TRAF5: variants seen among roughly 807,000 people sequenced by gnomAD.
TRAF5 encodes TNF receptor associated factor 5, also known as TNF receptor-associated factor 5.
In TRAF5, 48 loss-of-function variants were observed where a neutral mutation model predicts 64.5. The observed-to-expected ratio is 0.74, with a 90% CI of 0.59 to 0.95. The LOEUF (loss-of-function observed/expected upper bound fraction) is 0.95, where lower values mean the gene tolerates loss of function less well. Ranked by LOEUF, TRAF5 falls within the 40% of genes least tolerant of loss-of-function variation. The pLI, the probability that TRAF5 is intolerant of heterozygous loss-of-function variation, is 0.00. For synonymous variants in TRAF5, 206 were observed against 240.5 expected, an observed-to-expected ratio of 0.86 and a Z score of 1.33; for missense variants, 545 against 662.8, an observed-to-expected ratio of 0.82 and a Z score of 1.95.
At chr1:211,348,017 G>A (rs1702665500) in intron 1 of TRAF5, among the ~76,000 whole-genome samples, 1 of 152,144 alleles carries the variant, frequency 6.6e-6, no homozygotes, top group South Asian at 2.1e-4. Context: ...ACTGCTTGGG[G>A]CTCCCTGACA....
At chr1:211,337,350 C>T (rs1702329691) in intron 1 of TRAF5, among the ~76,000 whole-genome samples, 1 of 152,122 alleles carries the variant, frequency 6.6e-6, no homozygotes, top group African/African-American at 2.4e-5. Context: ...GCAGAAGCCT[C>T]TTCTGCTGTT....
chr1:211,368,802 GTTAC>G (rs1703434575), intron 8 of TRAF5: 1 of 152,142 alleles, frequency 6.6e-6, no homozygotes, highest in Admixed American at 6.5e-5. Flanking sequence ...TGCTGGATGG[GTTAC>G]TTAAACTCTC....
intron 7 of TRAF5, 110 bp downstream of exon 7, chr1:211,361,272 G>A (rs1049765345): frequency 2.2e-6 from 2 of 927,494 alleles, no homozygotes; most frequent in Non-Finnish European, 3.3e-6. Context: ...ACAGTTCTGA[G>A]AAATTTAAGG....
chr1:211,362,492 C>T (rs1572086762), intron 7 of TRAF5, among the ~76,000 whole-genome samples: 2 of 151,962 alleles, frequency 1.3e-5, no homozygotes, highest in Non-Finnish European at 2.9e-5. Context: ...GCAGCCTGGC[C>T]AACATGGTGA....
At chr1:211,353,148 A>G (rs1702847101) in intron 1 of TRAF5, 91 bp from the exon 2 acceptor site, 1 of 1,247,044 alleles carries the variant, frequency 8.0e-7, no homozygotes. Flanking sequence ...ATGTACACTA[A>G]TTATGAGACA....
chr1:211,360,136 C>G (rs1703128475), intron 5 of TRAF5, 60 bp downstream of exon 5: 1 of 1,501,122 alleles, frequency 6.7e-7, no homozygotes, highest in East Asian at 2.3e-5. Flanking sequence ...TGAGTGGTCA[C>G]AGTGAATCAG....
chr1:211,361,377 G>C (rs999111517), intron 7 of TRAF5, among the ~76,000 whole-genome samples: 1 of 152,146 alleles, frequency 6.6e-6, no homozygotes, highest in Non-Finnish European at 1.5e-5. Flanking sequence ...TGCAGTTGTG[G>C]GGGCTAGCAA....
chr1:211,346,581 A>T (rs1248145804), intron 1 of TRAF5, among the ~76,000 whole-genome samples: 1 of 152,208 alleles, frequency 6.6e-6, no homozygotes, highest in African/African-American at 2.4e-5. Context: ...TAATATATTT[A>T]AAAATTCCCC....
At chr1:211,371,822 A>T (rs1220686839) in intron 10 of TRAF5, among the ~76,000 whole-genome samples, 1 of 152,254 alleles carries the variant, frequency 6.6e-6, no homozygotes, top group African/African-American at 2.4e-5. Flanking sequence ...GGGTTTGGCC[A>T]TTTAAAAGCA....
At chr1:211,354,122 G>A (rs189703305) in intron 2 of TRAF5, among the ~76,000 whole-genome samples, 4 of 152,348 alleles carry the variant, frequency 2.6e-5, no homozygotes, top group East Asian at 3.9e-4. Flanking sequence ...GTCTAGAGGA[G>A]ACAAATGTGG....
chr1:211,359,827 T>G, intron 4 of TRAF5, 85 bp from the exon 5 acceptor site: 2 of 1,550,452 alleles, frequency 1.3e-6, no homozygotes, highest in South Asian at 2.3e-5. Context: ...CACCCTGTTC[T>G]CTCTCCCTCC....
intron 1 of TRAF5, among the ~76,000 whole-genome samples, chr1:211,345,068 G>A (rs145682451): frequency 0.011 from 1,602 of 152,164 alleles, 26 homozygotes; most frequent in African/African-American, 0.036. Flanking sequence ...ACAGGCATGC[G>A]CCACCATGCC....
rs142972291 is a variant in TRAF5, at chr1:211,347,979, C to A, written c.-1-5260C>A. Among the ~76,000 whole-genome samples the A allele has an allele frequency of 2.5e-4, 38 of 152,312 alleles. 1 individual carries two copies. The highest frequency in any genetic ancestry group is 8.9e-4 in the African/African-American group (37 of 41,558). Reference sequence around the variant, plus strand: ...AAGCTGGAGCTTTCCCCCAGTTGAGCAGATTATTAAATGTTTACTAGCACA... The same window carrying A: ...AAGCTGGAGCTTTCCCCCAGTTGAGAAGATTATTAAATGTTTACTAGCACA... On this transcript the variant is annotated intron_variant, in intron 1 of 10. Coordinates refer to ENST00000261464, the MANE Select transcript of TRAF5 (RefSeq NM_001033910.3).
chr1:211,350,183 T>G (rs1322834617), intron 1 of TRAF5, among the ~76,000 whole-genome samples: 1 of 152,044 alleles, frequency 6.6e-6, no homozygotes, highest in Non-Finnish European at 1.5e-5. Flanking sequence ...AGGTGGAGCT[T>G]TGGTCTCAAA....
intron 7 of TRAF5, among the ~76,000 whole-genome samples, chr1:211,363,754 A>T (rs1163185160): frequency 2.0e-5 from 3 of 152,076 alleles, no homozygotes; most frequent in Non-Finnish European, 4.4e-5. Context: ...CTACCAAAAA[A>T]TACAAAAATC....
intron 1 of TRAF5, among the ~76,000 whole-genome samples, chr1:211,348,901 A>T: frequency 6.6e-6 from 1 of 151,966 alleles, no homozygotes; most frequent in Non-Finnish European, 1.5e-5. Context: ...TCAAGTTTTA[A>T]GAGTGTTATC....
chr1:211,332,696 T>C lies in TRAF5; in HGVS notation c.-2+5807T>C, dbSNP rs146328815. Among the ~76,000 whole-genome samples, 229 of 152,260 alleles carry C rather than the reference T, an allele frequency of 1.5e-3. 1 individual carries two copies. Among genetic ancestry groups the C allele is most frequent in the African/African-American group, 5.2e-3 (215 of 41,540 alleles). Reference sequence around the variant, plus strand: ...TGATTAAAACATTGGGTGGAGTTATTCCAGGAATAACCCACTAGGGAGTGA... The same window carrying C: ...TGATTAAAACATTGGGTGGAGTTATCCCAGGAATAACCCACTAGGGAGTGA... On this transcript the variant is annotated intron_variant, in intron 1 of 10. Coordinates refer to ENST00000261464, the MANE Select transcript of TRAF5 (RefSeq NM_001033910.3).
intron 1 of TRAF5, chr1:211,346,469 C>T: frequency 1.0e-6 from 1 of 981,372 alleles, no homozygotes; most frequent in Non-Finnish European, 1.2e-6. Flanking sequence ...GTGCCCTTTT[C>T]ACTCTGGGAT....
rs1702027952 is a variant in TRAF5, at chr1:211,326,849, C to T, written c.-42C>T. On this transcript the variant is annotated 5_prime_UTR_variant, in exon 1 of 11. Coordinates refer to ENST00000261464, the MANE Select transcript of TRAF5 (RefSeq NM_001033910.3). The surrounding 1 kb of genome is among the most constrained non-coding windows in gnomAD (Gnocchi z 5.0). ...GCCGCAGCCAGGAGCAGCAGCCGCG[C>T]CTGCAGACCGGCCTCGCGGAGCCCG... 3.0e-6 allele frequency: 3 copies of T among 984,706 alleles called. No homozygotes were observed. Among genetic ancestry groups the T allele is most frequent in the Non-Finnish European group, 3.6e-6 (3 of 829,566 alleles). The allele number at this position is 984,706 out of a possible 1,614,324, so 61.0% of individuals were successfully genotyped here. A position where few individuals can be genotyped will look rare whatever the true frequency, so the allele number is the denominator to read the frequency against.
Sources: gnomAD v4.1 joint callset for allele counts (sites outside exome capture counted in the v4.1 genomes callset) on GRCh38, gnomAD v4.1.1 for gene constraint, Gnocchi (gnomAD v3.1) non-coding constraint, MANE v1.5 for transcripts, NCBI Gene and HGNC (gene_info 2026-07-23, HGNC 2026-07-21) for gene names.